Variants in ENOX1 observed in about 807,000 individuals in gnomAD.
The protein encoded by ENOX1 is ecto-NOX disulfide-thiol exchanger 1, also known as candidate growth-related and time keeping constitutive hydroquinone (NADH) oxidase.
In ENOX1, 42 loss-of-function variants were observed where a neutral mutation model predicts 82.5. That is an observed-to-expected ratio of 0.51 (90% CI 0.40 to 0.66). The LOEUF is 0.66. Among genes scored for constraint, ENOX1 ranks in the 30% least tolerant of loss-of-function variants. The pLI is 0.00. For synonymous variants in ENOX1, 271 were observed against 282.2 expected, an observed-to-expected ratio of 0.96 and a Z score of 0.40; for missense variants, 608 against 811.6, an observed-to-expected ratio of 0.75 and a Z score of 3.05.
At chr13:43,754,241 A>G (rs1950513122) in intron 1 of ENOX1, among the ~76,000 whole-genome samples, 1 of 148,004 alleles carries the variant, frequency 6.8e-6, no homozygotes, top group Non-Finnish European at 1.5e-5. Context: ...ATACATATGT[A>G]TATATACACA....
At chr13:43,616,075 T>C (rs2082397301) in intron 2 of ENOX1, among the ~76,000 whole-genome samples, 1 of 97,006 alleles carries the variant, frequency 1.0e-5, no homozygotes, top group Non-Finnish European at 2.5e-5. Context: ...TGTCTTTAAG[T>C]TTGACATTAT....
At chr13:43,506,491 T>C (rs1048378014) in intron 2 of ENOX1, among the ~76,000 whole-genome samples, 6 of 141,072 alleles carry the variant, frequency 4.3e-5, no homozygotes, top group African/African-American at 1.5e-4. Flanking sequence ...ACTGGGTATA[T>C]ACCCAAAGGA....
chr13:43,338,975 G>A (rs529449218), intron 9 of ENOX1, among the ~76,000 whole-genome samples: 265 of 152,234 alleles, frequency 1.7e-3, no homozygotes, highest in African/African-American at 5.3e-3. Context: ...GTGAGCCACC[G>A]TGCCCGGCCT....
chr13:43,362,596 G>C (rs2050598636), intron 5 of ENOX1, among the ~76,000 whole-genome samples: 1 of 151,240 alleles, frequency 6.6e-6, no homozygotes, highest in Non-Finnish European at 1.5e-5. Flanking sequence ...TGTACAGCCT[G>C]TGCCTTAGGC....
intron 2 of ENOX1, among the ~76,000 whole-genome samples, chr13:43,600,677 C>G (rs889380070): frequency 1.3e-5 from 2 of 152,176 alleles, no homozygotes; most frequent in Admixed American, 1.3e-4. Context: ...CTTGAGTGAA[C>G]ACAAGTGGTA....
chr13:43,375,496 A>G (rs114598162), intron 5 of ENOX1, among the ~76,000 whole-genome samples: 2,017 of 152,308 alleles, frequency 0.013, 40 homozygotes, highest in African/African-American at 0.046. Context: ...GGGGGCATAG[A>G]GGTAAGTCAG....
chr13:43,353,297 G>A (rs757576680), intron 8 of ENOX1, among the ~76,000 whole-genome samples: 1 of 152,156 alleles, frequency 6.6e-6, no homozygotes, highest in Non-Finnish European at 1.5e-5. Context: ...TCATAAGAAA[G>A]ACTTGGTTTG....
intron 9 of ENOX1, among the ~76,000 whole-genome samples, chr13:43,333,784 G>A (rs1182672987): frequency 7.9e-5 from 12 of 152,126 alleles, no homozygotes; most frequent in East Asian, 5.8e-4. Flanking sequence ...CACCACACCC[G>A]GCTAATTTTT....
At chr13:43,631,485 G>A (rs574704507) in intron 2 of ENOX1, among the ~76,000 whole-genome samples, 6 of 152,288 alleles carry the variant, frequency 3.9e-5, no homozygotes, top group African/African-American at 1.4e-4. Flanking sequence ...GCTCCGAGAA[G>A]AACTGCTAGG....
chr13:43,701,087 G>A (rs893773167), intron 1 of ENOX1, among the ~76,000 whole-genome samples: 1 of 152,126 alleles, frequency 6.6e-6, no homozygotes. Flanking sequence ...GAGACCTTTA[G>A]AGGGTTCCAA....
chr13:43,275,471 ACTT>A (rs2044958954), intron 12 of ENOX1, among the ~76,000 whole-genome samples: 1 of 152,092 alleles, frequency 6.6e-6, no homozygotes, highest in Non-Finnish European at 1.5e-5. Flanking sequence ...GGTTAGGAGA[ACTT>A]CTGTGGGATG....
intron 3 of ENOX1, among the ~76,000 whole-genome samples, chr13:43,480,415 A>G (rs978767064): frequency 1.3e-5 from 2 of 152,226 alleles, no homozygotes; most frequent in African/African-American, 4.8e-5. Context: ...GACTCAGGAA[A>G]GAACTGTGAG....
chr13:43,375,563 G>T (rs1029535270), intron 5 of ENOX1, among the ~76,000 whole-genome samples: 4 of 152,324 alleles, frequency 2.6e-5, no homozygotes, highest in African/African-American at 9.6e-5. Flanking sequence ...TGGGCACATA[G>T]CTGTGTTAGA....
intron 11 of ENOX1, among the ~76,000 whole-genome samples, chr13:43,305,509 G>C (rs2046809081): frequency 6.6e-6 from 1 of 151,978 alleles, no homozygotes; most frequent in Non-Finnish European, 1.5e-5. Flanking sequence ...ATCCTGTTAC[G>C]ATGATGGCTT....
intron 2 of ENOX1, among the ~76,000 whole-genome samples, chr13:43,611,005 A>T (rs1428849818): frequency 2.0e-5 from 3 of 152,272 alleles, no homozygotes; most frequent in Admixed American, 6.5e-5. Context: ...AATGCCAATA[A>T]TTTTTTGTTA....
chr13:43,517,453 G>A (rs180753907), intron 2 of ENOX1, among the ~76,000 whole-genome samples: 15 of 152,200 alleles, frequency 9.9e-5, no homozygotes, highest in African/African-American at 2.6e-4. Flanking sequence ...AGCCCAGATC[G>A]CGCCATTGCA....
chr13:43,423,782 T>G (rs2055122128), intron 3 of ENOX1, among the ~76,000 whole-genome samples: 1 of 152,234 alleles, frequency 6.6e-6, no homozygotes, highest in Non-Finnish European at 1.5e-5. Context: ...GATAAATTTA[T>G]GAAAGTAACT....
chr13:43,705,094 T>A (rs1435416604), intron 1 of ENOX1, among the ~76,000 whole-genome samples: 1 of 151,806 alleles, frequency 6.6e-6, no homozygotes, highest in Non-Finnish European at 1.5e-5. Context: ...ATACTAAAAT[T>A]ATTTAACCTA....
At chr13:43,350,388 T>G (rs2049695990) in intron 8 of ENOX1, among the ~76,000 whole-genome samples, 1 of 152,212 alleles carries the variant, frequency 6.6e-6, no homozygotes, top group South Asian at 2.1e-4. Context: ...ACCTGGTGAA[T>G]TTTAATTAAA....
Sources: allele counts gnomAD v4.1 joint callset (sites outside exome capture counted in the v4.1 genomes callset), GRCh38; gene constraint gnomAD v4.1.1; transcripts MANE v1.5; gene names NCBI Gene and HGNC (gene_info 2026-07-23, HGNC 2026-07-21).